TMEM163: variants seen among roughly 807,000 people sequenced by gnomAD.
TMEM163 encodes transmembrane protein 163.
In TMEM163, 17 loss-of-function variants were observed where a neutral mutation model predicts 29.3. The ratio of observed to expected loss-of-function variants is 0.58; its 90% confidence interval spans 0.40 to 0.87. The LOEUF is 0.87. Ranked by LOEUF, TMEM163 falls within the 40% of genes least tolerant of loss-of-function variation. TMEM163 has a pLI of 0.00. For synonymous variants in TMEM163, 157 were observed against 160.6 expected (o/e 0.98, Z 0.17); for missense variants, 303 against 381.5 (o/e 0.79, Z 1.71).
chr2:134,714,759 C>A (rs1348464719), intron 1 of TMEM163, among the ~76,000 whole-genome samples: 1 of 152,228 alleles, frequency 6.6e-6, no homozygotes, highest in African/African-American at 2.4e-5. Flanking sequence ...TCTCCCCAAA[C>A]CTTCCTTTGT....
chr2:134,629,121 C>A (rs752990643), intron 2 of TMEM163, among the ~76,000 whole-genome samples: 51 of 152,160 alleles, frequency 3.4e-4, no homozygotes, highest in Admixed American at 8.5e-4. Context: ...TTGATCCTCA[C>A]AAAACCCCTG....
chr2:134,545,732 G>C (rs1574225353), intron 4 of TMEM163, among the ~76,000 whole-genome samples: 1 of 152,210 alleles, frequency 6.6e-6, no homozygotes, highest in East Asian at 1.9e-4. Flanking sequence ...CCCTGCCTCA[G>C]CCACTCACTC....
intron 2 of TMEM163, among the ~76,000 whole-genome samples, chr2:134,656,284 A>C (rs994476436): frequency 6.6e-6 from 1 of 151,194 alleles, no homozygotes; most frequent in South Asian, 2.1e-4. Context: ...GAAAAGCGCA[A>C]TATTCGGGTG....
chr2:134,630,673 A>G (rs1682946796), intron 2 of TMEM163, among the ~76,000 whole-genome samples: 1 of 152,198 alleles, frequency 6.6e-6, no homozygotes, highest in African/African-American at 2.4e-5. Context: ...GGGGTCTGAC[A>G]GCCAGGTCCT....
intron 2 of TMEM163, among the ~76,000 whole-genome samples, chr2:134,704,685 T>C (rs1327467582): frequency 2.0e-5 from 3 of 152,032 alleles, no homozygotes; most frequent in Non-Finnish European, 4.4e-5. Flanking sequence ...GTCAGTCTCA[T>C]GGTTCTGAAT....
chr2:134,642,136 T>A (rs1290462531), intron 2 of TMEM163, among the ~76,000 whole-genome samples: 1 of 152,070 alleles, frequency 6.6e-6, no homozygotes, highest in Non-Finnish European at 1.5e-5. Flanking sequence ...CGATTTTTTT[T>A]TTTTCTGAAA....
At chr2:134,664,835 A>G (rs1683836779) in intron 2 of TMEM163, among the ~76,000 whole-genome samples, 1 of 152,156 alleles carries the variant, frequency 6.6e-6, no homozygotes, top group African/African-American at 2.4e-5. Flanking sequence ...TCAGCCCTCC[A>G]GAACTGTAAC....
intron 2 of TMEM163, among the ~76,000 whole-genome samples, chr2:134,582,714 G>GA (rs1681723739): frequency 6.6e-6 from 1 of 152,040 alleles, no homozygotes; most frequent in African/African-American, 2.4e-5. Flanking sequence ...AAACAAGGAA[G>GA]AAAAAAATAA....
chr2:134,657,154 T>C lies in TMEM163; in HGVS notation c.322+56046A>G, dbSNP rs115395427. Among the ~76,000 whole-genome samples, 431 of 152,350 alleles carry C rather than the reference T, an allele frequency of 2.8e-3. 4 individuals are homozygous for C. The highest frequency in any genetic ancestry group is 9.5e-3 in the African/African-American group (396 of 41,574). ...CCTCCTCAATTTTTCGGAATACTTT[T>C]AGTTAGTAGGATTGGTACAAGCTCT... On this transcript the variant is annotated intron_variant, in intron 2 of 7. Coordinates refer to ENST00000281924, the MANE Select transcript of TMEM163 (RefSeq NM_030923.5).
intron 2 of TMEM163, among the ~76,000 whole-genome samples, chr2:134,629,646 C>A (rs1478958354): frequency 6.6e-6 from 1 of 152,152 alleles, no homozygotes; most frequent in African/African-American, 2.4e-5. Flanking sequence ...CCAATCTCTG[C>A]CCAAACTCTA....
At chr2:134,491,075 G>A (rs568689442) in intron 5 of TMEM163, among the ~76,000 whole-genome samples, 128 of 152,264 alleles carry the variant, frequency 8.4e-4, no homozygotes, top group South Asian at 1.9e-3. Context: ...AGAGAAAGAA[G>A]AGCTAAGTTA....
chr2:134,532,793 TC>T (rs1294471963), intron 4 of TMEM163, among the ~76,000 whole-genome samples: 20 of 152,148 alleles, frequency 1.3e-4, no homozygotes, highest in African/African-American at 4.8e-4. Flanking sequence ...AGCTTACCAT[TC>T]CCCACATATG....
At chr2:134,575,904 T>TGGGG (rs908454281) in intron 2 of TMEM163, among the ~76,000 whole-genome samples, 1 of 152,140 alleles carries the variant, frequency 6.6e-6, no homozygotes, top group East Asian at 1.9e-4. Context: ...GTGAGACTCC[T>TGGGG]GGGGACCCAA....
chr2:134,542,846 T>C (rs917808370), intron 4 of TMEM163, among the ~76,000 whole-genome samples: 1 of 152,198 alleles, frequency 6.6e-6, no homozygotes, highest in African/African-American at 2.4e-5. Context: ...CCTCTGGTCT[T>C]TGCTGCAATC....
chr2:134,718,703 T>C, intron 1 of TMEM163, 31 bp downstream of exon 1: 1 of 1,134,870 alleles, frequency 8.8e-7, no homozygotes, highest in Non-Finnish European at 1.1e-6. Flanking sequence ...GCCACCCCGG[T>C]CGCCGGCCGG....
intron 2 of TMEM163, among the ~76,000 whole-genome samples, chr2:134,685,406 C>T (rs1322306242): frequency 6.6e-6 from 1 of 152,172 alleles, no homozygotes; most frequent in African/African-American, 2.4e-5. Flanking sequence ...GGATCTGTAA[C>T]TTGAAGTCTT....
chr2:134,482,789 T>A (rs1380581459), intron 5 of TMEM163, among the ~76,000 whole-genome samples: 1 of 152,150 alleles, frequency 6.6e-6, no homozygotes, highest in Non-Finnish European at 1.5e-5. Flanking sequence ...ATTTTTAAAT[T>A]AGCATCAGAC....
chr2:134,615,937 G>A (rs766006096), intron 2 of TMEM163, among the ~76,000 whole-genome samples: 105 of 152,258 alleles, frequency 6.9e-4, no homozygotes, highest in Non-Finnish European at 1.2e-3. Context: ...AATTACAGGC[G>A]TGAGCCACCA....
rs188761945 is a variant in TMEM163 at position 134,473,842 on chromosome 2, G to A, written c.556-7617C>T. 2.7e-3 allele frequency among the ~76,000 whole-genome samples: 408 copies of A among 152,310 alleles called. 7 individuals carry two copies. Among genetic ancestry groups the A allele is most frequent in the Admixed American group, 0.022 (331 of 15,296 alleles). ...AGAAGTAGATAACCTGAAGAACCCT[G>A]TATCAACCGAAGACCTTGAAACTGT... is the stretch of plus-strand genomic sequence containing the variant. On this transcript the variant is annotated intron_variant, in intron 5 of 7. Coordinates refer to ENST00000281924, the MANE Select transcript of TMEM163 (RefSeq NM_030923.5).
Sources: gnomAD v4.1 joint callset for allele counts (sites outside exome capture counted in the v4.1 genomes callset) on GRCh38, gnomAD v4.1.1 for gene constraint, MANE v1.5 for transcripts, NCBI Gene and HGNC (gene_info 2026-07-23, HGNC 2026-07-21) for gene names.